Variants in MAPK4 observed in about 807,000 individuals in gnomAD.
The protein encoded by MAPK4 is Erk3-related.
MAPK4 carries 22 observed loss-of-function variants against 47.7 expected under a neutral mutation model. The ratio of observed to expected loss-of-function variants is 0.46; its 90% CI spans 0.33 to 0.66. MAPK4 has a LOEUF of 0.66. Ranked by LOEUF, MAPK4 falls within the 30% of genes least tolerant of loss-of-function variation. The probability of loss-of-function intolerance (pLI) is 0.02; values close to 1 mark genes in which losing one functional copy is unlikely to be tolerated. For missense variants in MAPK4, 736 were observed against 831.7 expected (o/e 0.88, Z 1.42); for synonymous variants, 390 against 365.7 (o/e 1.07, Z -0.76).
In MAPK4 at chr18:50,604,763, A is replaced by C. The variant is rs528819267; in HGVS notation, c.-871+44520A>C. Among the ~76,000 whole-genome samples, 5 of 152,300 alleles carry C rather than the reference A, an allele frequency of 3.3e-5. No homozygotes were observed. In the South Asian group the frequency reaches 1.0e-3, roughly 32 times the overall value. On this transcript the variant is annotated intron_variant, in intron 1 of 5. Coordinates refer to ENST00000400384, the MANE Select transcript of MAPK4 (RefSeq NM_002747.4). ...GGTATTTCACTGCGTTGCTGTGCTCAAGTTTCCCTTGGCTGTTAACAGCTG... is the reference window on the plus strand; with the variant it reads ...GGTATTTCACTGCGTTGCTGTGCTCCAGTTTCCCTTGGCTGTTAACAGCTG...
chr18:50,674,713 G>A (rs1430029311), intron 2 of MAPK4, among the ~76,000 whole-genome samples: 10 of 152,294 alleles, frequency 6.6e-5, no homozygotes, highest in Middle Eastern at 3.4e-3. Context: ...GTGCAAAGCC[G>A]TTATCCCCAC....
intron 1 of MAPK4, among the ~76,000 whole-genome samples, chr18:50,611,633 G>T (rs1040056636): frequency 8.5e-5 from 13 of 152,218 alleles, no homozygotes; most frequent in African/African-American, 3.1e-4. Flanking sequence ...TGGGAACATT[G>T]TTCCCTGGCC....
intron 2 of MAPK4, among the ~76,000 whole-genome samples, chr18:50,708,892 GT>G (rs1240833178): frequency 1.3e-5 from 2 of 152,106 alleles, no homozygotes; most frequent in African/African-American, 4.8e-5. Flanking sequence ...TATGATGAGA[GT>G]CCCTACCTCA....
chr18:50,689,975 G>C (rs1909120354), intron 2 of MAPK4, among the ~76,000 whole-genome samples: 1 of 152,140 alleles, frequency 6.6e-6, no homozygotes, highest in Non-Finnish European at 1.5e-5. Flanking sequence ...CTAGAATCTG[G>C]TCATCCTTAT....
chr18:50,586,802 C>T (rs2042393178), intron 1 of MAPK4, among the ~76,000 whole-genome samples: 2 of 152,070 alleles, frequency 1.3e-5, no homozygotes, highest in African/African-American at 4.8e-5. Context: ...ACAGTCACTC[C>T]AGGCAAATAC....
chr18:50,692,441 G>C (rs1293808132), intron 2 of MAPK4, among the ~76,000 whole-genome samples: 1 of 152,160 alleles, frequency 6.6e-6, no homozygotes, highest in Admixed American at 6.5e-5. Flanking sequence ...AATAATGCTG[G>C]ACAGTAGCAG....
chr18:50,635,479 C>T (rs2042877272), intron 1 of MAPK4, among the ~76,000 whole-genome samples: 1 of 152,234 alleles, frequency 6.6e-6, no homozygotes, highest in Non-Finnish European at 1.5e-5. Context: ...ATCCCCTCAA[C>T]TACCTTAAAA....
At chr18:50,699,856 C>T (rs991611512) in intron 2 of MAPK4, among the ~76,000 whole-genome samples, 1 of 152,122 alleles carries the variant, frequency 6.6e-6, no homozygotes, top group African/African-American at 2.4e-5. Flanking sequence ...AAAGTCAGGA[C>T]CAGCCAAAAG....
At chr18:50,681,229 A>G (rs1254087669) in intron 2 of MAPK4, among the ~76,000 whole-genome samples, 1 of 151,978 alleles carries the variant, frequency 6.6e-6, no homozygotes, top group Non-Finnish European at 1.5e-5. Flanking sequence ...GTCTATTTAG[A>G]CCCTTTGTTC....
chr18:50,700,487 C>G (rs1384245024), intron 2 of MAPK4, among the ~76,000 whole-genome samples: 2 of 152,162 alleles, frequency 1.3e-5, no homozygotes, highest in African/African-American at 2.4e-5. Flanking sequence ...TTTTGCAAAC[C>G]AAATTCACTG....
At chr18:50,591,166 C>T (rs1440666624) in intron 1 of MAPK4, among the ~76,000 whole-genome samples, 2 of 152,198 alleles carry the variant, frequency 1.3e-5, no homozygotes, top group African/African-American at 4.8e-5. Context: ...GTAAAATCAT[C>T]ATCACTAATA....
intron 1 of MAPK4, among the ~76,000 whole-genome samples, chr18:50,642,897 G>A (rs1478011967): frequency 1.3e-5 from 2 of 152,144 alleles, no homozygotes; most frequent in Non-Finnish European, 2.9e-5. Flanking sequence ...AAGCCACCAC[G>A]CCTGTCCTGC....
intron 1 of MAPK4, among the ~76,000 whole-genome samples, chr18:50,604,582 G>C (rs1371869603): frequency 6.6e-6 from 1 of 152,130 alleles, no homozygotes; most frequent in East Asian, 1.9e-4. Flanking sequence ...TAGAATAATC[G>C]ATCTGAGAAA....
intron 1 of MAPK4, among the ~76,000 whole-genome samples, chr18:50,564,112 A>G (rs1011033752): frequency 6.6e-6 from 1 of 152,140 alleles, no homozygotes; most frequent in African/African-American, 2.4e-5. Context: ...TGGAGGCTTC[A>G]TTGCTGTTTA....
intron 2 of MAPK4, among the ~76,000 whole-genome samples, chr18:50,690,739 A>C (rs1377202547): frequency 2.0e-5 from 3 of 152,228 alleles, no homozygotes; most frequent in Admixed American, 6.5e-5. Flanking sequence ...GGTGGGGAGT[A>C]GCTTGAGAAT....
At chr18:50,695,308 T>C (rs1909446654) in intron 2 of MAPK4, among the ~76,000 whole-genome samples, 1 of 133,856 alleles carries the variant, frequency 7.5e-6, no homozygotes, top group South Asian at 2.3e-4. Flanking sequence ...ATCATGCCAC[T>C]GCACCCTGGC....
rs149927941 is a variant in MAPK4, at chr18:50,706,408, G to A, written c.547-8671G>A. ...GCCTGGTTCCCACCCCCCCGCCTCCGCCCCCACAGATTCTGATGTGATTGG... is the reference window on the plus strand; with the variant it reads ...GCCTGGTTCCCACCCCCCCGCCTCCACCCCCACAGATTCTGATGTGATTGG... On this transcript the variant is annotated intron_variant, in intron 2 of 5. Transcript: ENST00000400384. Among the ~76,000 whole-genome samples the A allele has an allele frequency of 8.1e-3, 899 of 111,504 alleles. 11 individuals are homozygous for A. Among genetic ancestry groups the A allele is most frequent in the African/African-American group, 0.029 (858 of 29,514 alleles). The allele number at this position is 111,504 out of a possible 152,430, so 73.2% of individuals were successfully genotyped here. A position where few individuals can be genotyped will look rare whatever the true frequency, so the allele number is the denominator to read the frequency against.
At chr18:50,679,885 C>T (rs1035969562) in intron 2 of MAPK4, among the ~76,000 whole-genome samples, 9 of 151,960 alleles carry the variant, frequency 5.9e-5, no homozygotes, top group Middle Eastern at 3.2e-3. Flanking sequence ...GGCCTCTCCC[C>T]GTGCTCTTAC....
At chr18:50,652,545 C>G (rs1461891519) in intron 1 of MAPK4, among the ~76,000 whole-genome samples, 1 of 152,026 alleles carries the variant, frequency 6.6e-6, no homozygotes, top group East Asian at 1.9e-4. Flanking sequence ...TGGTATCCCT[C>G]GGTGGGTAGA....
Sources: gnomAD v4.1 joint callset for allele counts (sites outside exome capture counted in the v4.1 genomes callset) on GRCh38, gnomAD v4.1.1 for gene constraint, MANE v1.5 for transcripts, NCBI Gene and HGNC (gene_info 2026-07-23, HGNC 2026-07-21) for gene names.